Variants in BCAR3 observed in about 807,000 individuals in gnomAD.
BCAR3 encodes breast cancer anti-estrogen resistance protein 3.
Under a neutral mutation model 80.1 loss-of-function variants are expected in BCAR3, and 37 were observed. That is an observed-to-expected ratio of 0.46 (90% CI 0.36 to 0.61). The LOEUF (loss-of-function observed/expected upper bound fraction) is 0.61, where lower values mean the gene tolerates loss of function less well. Among genes scored for constraint, BCAR3 ranks in the 20% least tolerant of loss-of-function variants. The pLI, the probability that BCAR3 is intolerant of heterozygous loss-of-function variation, is 0.00. For synonymous variants in BCAR3, 389 were observed against 418.9 expected (o/e 0.93, Z 0.87); for missense variants, 978 against 1,068.2 (o/e 0.92, Z 1.18).
chr1:93,704,104 T>C (rs1045318716), intron 3 of BCAR3, among the ~76,000 whole-genome samples: 1 of 152,180 alleles, frequency 6.6e-6, no homozygotes, highest in Non-Finnish European at 1.5e-5. Context: ...ACAGGGCTAG[T>C]GAGAGACTTA....
intron 2 of BCAR3, among the ~76,000 whole-genome samples, chr1:93,716,832 C>T (rs1043447277): frequency 6.6e-6 from 1 of 152,216 alleles, no homozygotes; most frequent in Non-Finnish European, 1.5e-5. Flanking sequence ...CCACTCTGAT[C>T]TTCTAGTCTG....
chr1:93,707,334 TAAATA>T (rs1469659398), intron 2 of BCAR3, among the ~76,000 whole-genome samples: 1 of 152,164 alleles, frequency 6.6e-6, no homozygotes, highest in Non-Finnish European at 1.5e-5. Context: ...GTACAGTAAT[TAAATA>T]AAACAGTGAA....
chr1:93,598,443 A>C (rs185903138), intron 3 of BCAR3, among the ~76,000 whole-genome samples: 2 of 152,332 alleles, frequency 1.3e-5, no homozygotes, highest in East Asian at 3.9e-4. Flanking sequence ...GCAAATCGGC[A>C]GGAAAGACTC....
intron 2 of BCAR3, among the ~76,000 whole-genome samples, chr1:93,822,000 G>A (rs1239647944): frequency 6.6e-6 from 1 of 152,088 alleles, no homozygotes; most frequent in African/African-American, 2.4e-5. Flanking sequence ...ATTCCACCTG[G>A]AGGCAGGAGC....
chr1:93,647,406 C>T lies in BCAR3; in HGVS notation c.318-5063G>A, dbSNP rs186972328. 2.6e-5 allele frequency among the ~76,000 whole-genome samples: 4 copies of T among 152,184 alleles called. No homozygotes were observed. The East Asian group carries it at 5.8e-4, about 22-fold the overall frequency. On this transcript the variant is annotated intron_variant, in intron 2 of 11. Transcript: ENST00000260502. ...TAAAAAAGAGTTCCTGAGACCAGAACATAAAAACATACAGGTTAACAGAAG... is the reference window on the plus strand; with the variant it reads ...TAAAAAAGAGTTCCTGAGACCAGAATATAAAAACATACAGGTTAACAGAAG...
At chr1:93,766,136 AG>A (rs1331725973) in intron 2 of BCAR3, among the ~76,000 whole-genome samples, 1 of 152,060 alleles carries the variant, frequency 6.6e-6, no homozygotes, top group Non-Finnish European at 1.5e-5. Context: ...TGCTTCCATG[AG>A]TTTGACCAAC....
intron 8 of BCAR3, among the ~76,000 whole-genome samples, chr1:93,575,507 G>A (rs1570917640): frequency 2.0e-5 from 3 of 152,146 alleles, no homozygotes; most frequent in Admixed American, 1.3e-4. Context: ...GACCAGTGCC[G>A]TCATCCCCTA....
chr1:93,761,160 A>G (rs939862176), intron 2 of BCAR3, among the ~76,000 whole-genome samples: 1 of 152,206 alleles, frequency 6.6e-6, no homozygotes, highest in African/African-American at 2.4e-5. Flanking sequence ...AGCTGGTGGC[A>G]GGAGTCTGCC....
chr1:93,562,536 G>C lies in BCAR3; in HGVS notation c.2300-117C>G. The C allele has an allele frequency of 3.9e-6, 3 of 770,742 alleles. No homozygotes were observed. In the South Asian group the frequency reaches 5.9e-5, roughly 15 times the overall value. 47.7% of individuals were successfully genotyped at this position (770,742 alleles called of 1,614,324 possible). On this transcript the variant is annotated intron_variant, in intron 11 of 11. Coordinates refer to ENST00000260502, the MANE Select transcript of BCAR3 (RefSeq NM_003567.4). Reference sequence around the variant, plus strand: ...TGTAATCCCAGCACTTTGGGAGGCCGAGGTGGGTGGATCACAAGATCAGGA... The same window carrying C: ...TGTAATCCCAGCACTTTGGGAGGCCCAGGTGGGTGGATCACAAGATCAGGA...
intron 2 of BCAR3, among the ~76,000 whole-genome samples, chr1:93,763,089 T>G (rs1251285199): frequency 6.6e-6 from 1 of 152,214 alleles, no homozygotes; most frequent in Non-Finnish European, 1.5e-5. Context: ...GTTTTGTTTT[T>G]TGAGACAGGG....
intron 2 of BCAR3, among the ~76,000 whole-genome samples, chr1:93,819,099 A>C (rs1654116177): frequency 2.0e-5 from 3 of 148,654 alleles, no homozygotes; most frequent in South Asian, 2.1e-4. Context: ...ATGGAGTCTC[A>C]CTCTGTTGCC....
intron 2 of BCAR3, among the ~76,000 whole-genome samples, chr1:93,755,792 C>T (rs777331563): frequency 1.3e-5 from 2 of 152,024 alleles, no homozygotes; most frequent in African/African-American, 4.8e-5. Flanking sequence ...CATGTGTGTG[C>T]GTGCATGCAA....
intron 2 of BCAR3, among the ~76,000 whole-genome samples, chr1:93,819,848 C>T (rs989757720): frequency 1.3e-5 from 2 of 151,984 alleles, no homozygotes; most frequent in Non-Finnish European, 2.9e-5. Context: ...GTTTGGTGTA[C>T]AGATTATTTC....
intron 2 of BCAR3, among the ~76,000 whole-genome samples, chr1:93,826,968 G>A (rs1168127691): frequency 6.6e-6 from 1 of 152,136 alleles, no homozygotes; most frequent in Non-Finnish European, 1.5e-5. Flanking sequence ...TAAAGCTGGA[G>A]AGTTAAGTAG....
intron 2 of BCAR3, among the ~76,000 whole-genome samples, chr1:93,766,570 C>A (rs1383633716): frequency 6.6e-6 from 1 of 152,230 alleles, no homozygotes; most frequent in Non-Finnish European, 1.5e-5. Flanking sequence ...CGTCCAGAGC[C>A]GCTGCTGGCC....
At chr1:93,585,735 CCT>C (rs952305928) in intron 5 of BCAR3, among the ~76,000 whole-genome samples, 2 of 152,034 alleles carry the variant, frequency 1.3e-5, no homozygotes, top group Admixed American at 6.6e-5. Context: ...TTGCAATTGC[CCT>C]GAGTTTTTTT....
chr1:93,778,004 T>C (rs920418839), intron 2 of BCAR3, among the ~76,000 whole-genome samples: 3 of 152,214 alleles, frequency 2.0e-5, no homozygotes, highest in Non-Finnish European at 4.4e-5. Context: ...ATTAACATTG[T>C]CCCATTTGTG....
chr1:93,795,243 C>T (rs1243904007), intron 2 of BCAR3, among the ~76,000 whole-genome samples: 46 of 39,562 alleles, frequency 1.2e-3, no homozygotes, highest in Non-Finnish European at 1.1e-3. Flanking sequence ...TAATATCCTG[C>T]AGAGTGTTTT....
intron 5 of BCAR3, chr1:93,584,865 G>C (rs1156902384): frequency 3.5e-6 from 2 of 569,338 alleles, no homozygotes; most frequent in Non-Finnish European, 4.4e-6. Flanking sequence ...AATCTCCCTA[G>C]CTAGAGACAG....
Sources: gnomAD v4.1 joint callset for allele counts (sites outside exome capture counted in the v4.1 genomes callset) on GRCh38, gnomAD v4.1.1 for gene constraint, MANE v1.5 for transcripts, NCBI Gene and HGNC (gene_info 2026-07-23, HGNC 2026-07-21) for gene names.